PPHLN1: variants seen among roughly 807,000 people sequenced by gnomAD.
PPHLN1 encodes the protein periphilin-1.
Under a neutral mutation model 51.3 loss-of-function variants are expected in PPHLN1, and 29 were observed. That is an observed-to-expected ratio of 0.57 (90% CI 0.42 to 0.77). The LOEUF (loss-of-function observed/expected upper bound fraction) is 0.77. PPHLN1 is among the 30% of genes least tolerant of loss of function. PPHLN1 has a pLI of 0.00. For synonymous variants in PPHLN1, 147 were observed against 147.8 expected (o/e 0.99, Z 0.04); for missense variants, 436 against 438.4 (o/e 0.99, Z 0.05).
chr12:42,440,869 G>A (rs565715707), intron 9 of PPHLN1, among the ~76,000 whole-genome samples: 285 of 152,326 alleles, frequency 1.9e-3, no homozygotes, highest in African/African-American at 6.7e-3. Flanking sequence ...GTGAGACACC[G>A]CACCCGGCCA....
At chr12:42,412,810 T>C (rs2600916) in intron 9 of PPHLN1, among the ~76,000 whole-genome samples, 45,786 of 152,092 alleles carry the variant, frequency 0.3, 7,840 homozygotes, top group Non-Finnish European at 0.38. Context: ...TTTTAATAAT[T>C]GCCCTCCTGG....
intron 2 of PPHLN1, among the ~76,000 whole-genome samples, chr12:42,342,503 A>T (rs537877094): frequency 1.3e-5 from 2 of 152,344 alleles, no homozygotes; most frequent in South Asian, 2.1e-4. Context: ...GGTAATATGG[A>T]ACATTTTAAT....
intron 4 of PPHLN1, among the ~76,000 whole-genome samples, chr12:42,371,119 T>G (rs946256382): frequency 2.2e-5 from 3 of 134,776 alleles, no homozygotes; most frequent in Non-Finnish European, 4.8e-5. Flanking sequence ...GTGTTTTTTT[T>G]TTTTTTTTTT....
chr12:42,343,673 T>C (rs1230162290), intron 2 of PPHLN1: 1 of 241,100 alleles, frequency 4.1e-6, no homozygotes, highest in Non-Finnish European at 8.2e-6. Context: ...TAATGTTCCC[T>C]TCTGTAGAGT....
chr12:42,337,103 C>T (rs984528214), intron 2 of PPHLN1, among the ~76,000 whole-genome samples: 1 of 152,110 alleles, frequency 6.6e-6, no homozygotes, highest in Admixed American at 6.6e-5. Flanking sequence ...TGTTTTCAAT[C>T]AAAATCCCAA....
chr12:42,371,125 T>G (rs2075763490), intron 4 of PPHLN1, among the ~76,000 whole-genome samples: 1 of 138,760 alleles, frequency 7.2e-6, no homozygotes. Flanking sequence ...TTTTTTTTTT[T>G]TTTTTTTTTT....
At chr12:42,439,552 T>C (rs1354897906) in intron 9 of PPHLN1, among the ~76,000 whole-genome samples, 1 of 152,258 alleles carries the variant, frequency 6.6e-6, no homozygotes, top group Non-Finnish European at 1.5e-5. Flanking sequence ...TCTCGCTCTG[T>C]CACCCAGACT....
At chr12:42,330,421 A>G (rs552141750) in intron 1 of PPHLN1, among the ~76,000 whole-genome samples, 1 of 152,286 alleles carries the variant, frequency 6.6e-6, no homozygotes, top group African/African-American at 2.4e-5. Flanking sequence ...AGGCTGTCTC[A>G]TTGGGGAGAA....
chr12:42,417,871 A>G (rs1420929612), intron 9 of PPHLN1, among the ~76,000 whole-genome samples: 3 of 147,276 alleles, frequency 2.0e-5, no homozygotes, highest in Non-Finnish European at 3.0e-5. Context: ...CAGCTGAACT[A>G]TTGATCATAA....
chr12:42,350,171 C>T (rs542163384), intron 2 of PPHLN1: 218 of 144,686 alleles, frequency 1.5e-3, no homozygotes, highest in African/African-American at 5.4e-3. Context: ...CCTCCCAGAC[C>T]GGGCGGCTGG....
At chr12:42,332,764 G>T in intron 1 of PPHLN1, 1 of 988,828 alleles carries the variant, frequency 1.0e-6, no homozygotes, top group African/African-American at 1.7e-5. Context: ...TGGGACACCG[G>T]TAAATTTTAA....
intron 3 of PPHLN1, 68 bp from the exon 4 acceptor site, chr12:42,355,093 T>C: frequency 7.1e-7 from 1 of 1,412,268 alleles, no homozygotes; most frequent in Non-Finnish European, 1.0e-6. Flanking sequence ...TCTGGTAGTA[T>C]TGTTAGATAT....
At chr12:42,356,913 T>G (rs994924070) in intron 4 of PPHLN1, among the ~76,000 whole-genome samples, 1 of 152,160 alleles carries the variant, frequency 6.6e-6, no homozygotes, top group African/African-American at 2.4e-5. Context: ...GATAATATAA[T>G]TATGCAGAAA....
At chr12:42,328,588 A>G (rs2069160526) in intron 1 of PPHLN1, among the ~76,000 whole-genome samples, 1 of 152,262 alleles carries the variant, frequency 6.6e-6, no homozygotes, top group Non-Finnish European at 1.5e-5. Flanking sequence ...TTGATCAATT[A>G]TAATGGACAA....
chr12:42,327,576 A>T (rs2068995745), intron 1 of PPHLN1, among the ~76,000 whole-genome samples: 1 of 152,134 alleles, frequency 6.6e-6, no homozygotes, highest in Non-Finnish European at 1.5e-5. Context: ...ACTTTACTTG[A>T]GGGGTATACC....
At chr12:42,417,300 T>C (rs1456021076) in intron 9 of PPHLN1, among the ~76,000 whole-genome samples, 1 of 152,160 alleles carries the variant, frequency 6.6e-6, no homozygotes, top group Non-Finnish European at 1.5e-5. Context: ...TCTTGAAAAT[T>C]CGGAGAAACA....
intron 4 of PPHLN1, among the ~76,000 whole-genome samples, chr12:42,366,955 A>T (rs1392177784): frequency 6.6e-6 from 1 of 152,130 alleles, no homozygotes; most frequent in African/African-American, 2.4e-5. Flanking sequence ...CTTCATGAAC[A>T]AGTTTTTTTT....
At chr12:42,342,947 T>C (rs73120410) in intron 2 of PPHLN1, among the ~76,000 whole-genome samples, 8,876 of 152,296 alleles carry the variant, frequency 0.058, 285 homozygotes, top group Admixed American at 0.077. Flanking sequence ...TTCTCTCTCC[T>C]AGAGAGTTTG....
chr12:42,382,779 A>T (rs189742310), intron 5 of PPHLN1, among the ~76,000 whole-genome samples: 5 of 152,332 alleles, frequency 3.3e-5, no homozygotes, highest in African/African-American at 1.2e-4. Flanking sequence ...AAGTACAAAG[A>T]TACGAAAAAC....
Sources: gnomAD v4.1 joint callset for allele counts (sites outside exome capture counted in the v4.1 genomes callset) on GRCh38, gnomAD v4.1.1 for gene constraint, MANE v1.5 for transcripts, NCBI Gene and HGNC (gene_info 2026-07-23, HGNC 2026-07-21) for gene names.